DIXDC1: variants seen among roughly 807,000 people sequenced by gnomAD.
DIXDC1 encodes DIX domain containing 1, also known as dixin.
Under a neutral mutation model 103.1 loss-of-function variants are expected in DIXDC1, and 64 were observed. The ratio of observed to expected loss-of-function variants is 0.62; its 90% CI spans 0.51 to 0.76. The LOEUF (loss-of-function observed/expected upper bound fraction) is 0.76. DIXDC1 is among the 30% of genes least tolerant of loss of function. DIXDC1 has a pLI of 0.00. For missense variants in DIXDC1, 759 were observed against 834.2 expected (o/e 0.91, Z 1.11); for synonymous variants, 266 against 298.5 (o/e 0.89, Z 1.12).
rs1860151965 is a variant in DIXDC1, at chr11:111,977,575, C to T, written c.656+2592C>T. The T allele has an allele frequency of 6.7e-7, 1 of 1,495,524 alleles. No homozygotes were observed. Among genetic ancestry groups the T allele is most frequent in the Non-Finnish European group, 8.9e-7 (1 of 1,121,392 alleles). The allele number at this position is 1,495,524 out of a possible 1,614,324, so 92.6% of individuals were successfully genotyped here. A position where few individuals can be genotyped will look rare whatever the true frequency, so the allele number is the denominator to read the frequency against. On this transcript the variant is annotated intron_variant, in intron 5 of 19. Coordinates refer to ENST00000440460, the MANE Select transcript of DIXDC1 (RefSeq NM_001037954.4). The surrounding 1 kb of genome is among the most constrained non-coding windows in gnomAD (Gnocchi z 6.1). Reference sequence around the variant, plus strand: ...GCCTGGAGCATCCCAGTCGCTGGGGCCGAGACGCCGCCGCCGCCGCCGTTC... The same window carrying T: ...GCCTGGAGCATCCCAGTCGCTGGGGTCGAGACGCCGCCGCCGCCGCCGTTC...
At chr11:111,952,464 TGGGA>T (rs1446423406) in intron 1 of DIXDC1, among the ~76,000 whole-genome samples, 1 of 151,740 alleles carries the variant, frequency 6.6e-6, no homozygotes, top group Non-Finnish European at 1.5e-5. Flanking sequence ...GAGGCCAAGG[TGGGA>T]GGAAGGTGAG....
chr11:111,937,758 T>C (rs1162300133), intron 1 of DIXDC1, among the ~76,000 whole-genome samples, 199 bp downstream of exon 1: 1 of 152,180 alleles, frequency 6.6e-6, no homozygotes, highest in Non-Finnish European at 1.5e-5. Flanking sequence ...TGCCCACAGC[T>C]AAGCTGGGCC....
chr11:112,013,328 G>GT (rs1861486501), intron 17 of DIXDC1, among the ~76,000 whole-genome samples: 1 of 114,004 alleles, frequency 8.8e-6, no homozygotes, highest in South Asian at 3.2e-4. Flanking sequence ...GGGTGGGGGT[G>GT]GGGTGGGGGG....
At chr11:111,943,504 T>TTG (rs1966489132) in intron 1 of DIXDC1, among the ~76,000 whole-genome samples, 1 of 144,344 alleles carries the variant, frequency 6.9e-6, no homozygotes, top group Admixed American at 6.8e-5. Context: ...TTTTTTTTTT[T>TTG]TTTTTTGTTT....
At chr11:111,993,205 A>G (rs1299384700) in intron 12 of DIXDC1, among the ~76,000 whole-genome samples, 3 of 152,176 alleles carry the variant, frequency 2.0e-5, no homozygotes, top group Non-Finnish European at 2.9e-5. Context: ...GAGAAGGAGT[A>G]CAGGACTAGG....
chr11:111,978,667 A>T (rs980684992), intron 5 of DIXDC1, among the ~76,000 whole-genome samples: 1 of 152,288 alleles, frequency 6.6e-6, no homozygotes, highest in Non-Finnish European at 1.5e-5. Flanking sequence ...GTTTTCTAGC[A>T]TCCTAGGTTC....
chr11:111,960,912 A>C (rs1406907965), intron 1 of DIXDC1, among the ~76,000 whole-genome samples: 6 of 152,186 alleles, frequency 3.9e-5, no homozygotes, highest in African/African-American at 7.2e-5. Flanking sequence ...GCTTGGGAAG[A>C]TAAATCTTTC....
At chr11:111,995,591 T>C in intron 16 of DIXDC1, 27 bp downstream of exon 16, 1 of 1,610,414 alleles carries the variant, frequency 6.2e-7, no homozygotes, top group South Asian at 1.1e-5. Context: ...GGTATCTCTC[T>C]TAGGCAAGCT....
Position 111,969,025 on chromosome 11 carries a change from C to T in DIXDC1, c.316+387C>T, listed in dbSNP as rs909000588. On this transcript the variant is annotated intron_variant, in intron 3 of 19. Transcript: ENST00000440460. ...CTGACCTCAAGTGATCTACCCGCCT[C>T]GCCTTGGCCTCCCAAAGTGCTGGGA... is the stretch of plus-strand genomic sequence containing the variant. Among the ~76,000 whole-genome samples the T allele has an allele frequency of 5.3e-5, 8 of 152,066 alleles. No homozygotes were observed. In the East Asian group the frequency reaches 7.9e-4, roughly 15 times the overall value.
At chr11:111,988,062 G>A (rs143915323) in intron 9 of DIXDC1, among the ~76,000 whole-genome samples, 392 of 151,486 alleles carry the variant, frequency 2.6e-3, no homozygotes, top group African/African-American at 8.9e-3. Context: ...GCCATGGCAC[G>A]ATCATGGCTA....
At chr11:111,938,642 A>T (rs1966303184) in intron 1 of DIXDC1, among the ~76,000 whole-genome samples, 1 of 152,106 alleles carries the variant, frequency 6.6e-6, no homozygotes, top group Non-Finnish European at 1.5e-5. Context: ...CGTGTATAAG[A>T]TTTTATTTCT....
intron 17 of DIXDC1, 52 bp from the exon 18 acceptor site, chr11:112,016,639 G>T: frequency 6.9e-7 from 1 of 1,456,506 alleles, no homozygotes; most frequent in South Asian, 1.3e-5. Flanking sequence ...AACTGCAGAT[G>T]GCTGGTTTAG....
intron 1 of DIXDC1, among the ~76,000 whole-genome samples, chr11:111,954,576 A>G (rs1212138062): frequency 1.3e-5 from 2 of 152,244 alleles, no homozygotes; most frequent in African/African-American, 4.8e-5. Flanking sequence ...GCCATTTTAT[A>G]TCAGACAGTT....
intron 3 of DIXDC1, among the ~76,000 whole-genome samples, chr11:111,970,737 A>G (rs1313014432): frequency 6.6e-6 from 1 of 152,156 alleles, no homozygotes; most frequent in Non-Finnish European, 1.5e-5. Flanking sequence ...CTACAAGACT[A>G]CAGTAACCAA....
At chr11:111,949,399 T>G (rs1472654408) in intron 1 of DIXDC1, among the ~76,000 whole-genome samples, 5 of 152,324 alleles carry the variant, frequency 3.3e-5, no homozygotes, top group Middle Eastern at 3.4e-3. Flanking sequence ...CAGCCAGTCA[T>G]TCGGGTCCAA....
At chr11:111,989,478 G>A (rs1860618748) in intron 10 of DIXDC1, among the ~76,000 whole-genome samples, 1 of 151,554 alleles carries the variant, frequency 6.6e-6, no homozygotes, top group African/African-American at 2.4e-5. Context: ...CAAAAAATTA[G>A]TCGGGCGTGG....
intron 17 of DIXDC1, among the ~76,000 whole-genome samples, chr11:112,013,428 G>A (rs782455605): frequency 2.6e-5 from 4 of 151,000 alleles, no homozygotes; most frequent in Non-Finnish European, 5.9e-5. Context: ...CTAGACTTTT[G>A]AGCTCCTTAA....
In DIXDC1 at chr11:112,022,462, A is replaced by G. The variant is rs587695754; in HGVS notation, c.*3426A>G. The G allele has an allele frequency of 2.6e-5, 4 of 152,760 alleles. No homozygotes were observed. Among genetic ancestry groups the G allele is most frequent in the East Asian group, 1.9e-4 (1 of 5,190 alleles). The allele number at this position is 152,760 out of a possible 1,614,324, so 9.5% of individuals were successfully genotyped here. A position where few individuals can be genotyped will look rare whatever the true frequency, so the allele number is the denominator to read the frequency against. On this transcript the variant is annotated 3_prime_UTR_variant, in exon 20 of 20. Transcript: ENST00000440460. This position sits in a 1 kb window ranked among gnomAD's most constrained non-coding sequence, Gnocchi z 4.9. ...TTTACAATATGTTTTCATGAAGACT[A>G]TGTTACACCAGAGGCTTCTGATTAT...
At chr11:111,993,807 C>T in intron 14 of DIXDC1, 67 bp downstream of exon 14, 1 of 1,557,978 alleles carries the variant, frequency 6.4e-7, no homozygotes, top group South Asian at 1.2e-5. Flanking sequence ...GTTTCTGACT[C>T]AGAGCTGAAC....
Sources: gnomAD v4.1 joint callset for allele counts (sites outside exome capture counted in the v4.1 genomes callset) on GRCh38, gnomAD v4.1.1 for gene constraint, Gnocchi (gnomAD v3.1) non-coding constraint, MANE v1.5 for transcripts, NCBI Gene and HGNC (gene_info 2026-07-23, HGNC 2026-07-21) for gene names.